The following CREBBP variants were observed in gnomAD, a reference collection of about 807,000 sequenced individuals.
The protein encoded by CREBBP is CREB-binding protein.
In CREBBP, 19 loss-of-function variants were observed where a neutral mutation model predicts 265.0. That is an observed-to-expected ratio of 0.07 (90% confidence interval 0.05 to 0.11). The LOEUF (loss-of-function observed/expected upper bound fraction) is 0.11, where lower values mean the gene tolerates loss of function less well. CREBBP is among the 10% of genes least tolerant of loss of function. The probability of loss-of-function intolerance (pLI) is 1.00; values close to 1 mark genes in which losing one functional copy is unlikely to be tolerated. For synonymous variants in CREBBP, 1,457 were observed against 1,223.7 expected (o/e 1.19, Z -3.98); for missense variants, 2,525 against 3,219.0 (o/e 0.78, Z 5.22).
At chr16:3,783,249 A>C (rs2053314521) in intron 5 of CREBBP, among the ~76,000 whole-genome samples, 1 of 152,218 alleles carries the variant, frequency 6.6e-6, no homozygotes, top group African/African-American at 2.4e-5. Flanking sequence ...AGTCAGTTCC[A>C]GGGAGTGGCA....
chr16:3,846,128 A>C (rs188391098), intron 2 of CREBBP, among the ~76,000 whole-genome samples: 4 of 152,202 alleles, frequency 2.6e-5, no homozygotes, highest in Non-Finnish European at 4.4e-5. Context: ...AAGGGGAAAA[A>C]CATGTTTTAA....
intron 28 of CREBBP, among the ~76,000 whole-genome samples, chr16:3,732,786 T>C (rs1015952165): frequency 6.6e-5 from 10 of 151,776 alleles, no homozygotes; most frequent in African/African-American, 2.4e-4. Context: ...CTGCAACCTC[T>C]GCCTCCAAGG....
chr16:3,850,552 A>G lies in CREBBP; in HGVS notation c.543T>C (p.Phe181=). ...TGAGGAGGCCTGGGTGGGTCTGGTTAAAGTTAGCATTCATGCAGATACCAG... is the reference window on the plus strand; with the variant it reads ...TGAGGAGGCCTGGGTGGGTCTGGTTGAAGTTAGCATTCATGCAGATACCAG... ...TGPGICMNAN[F]NQTHPGLLNS... Residue 181 remains phenylalanine, a synonymous_variant, in exon 2 of 31, where the codon TTT becomes TTC. Coordinates refer to ENST00000262367, the MANE Select transcript of CREBBP (RefSeq NM_004380.3). 9 of 1,614,224 alleles carry G rather than the reference A, an allele frequency of 5.6e-6. No homozygotes were observed. The highest frequency in any genetic ancestry group is 7.6e-6 in the Non-Finnish European group (9 of 1,180,032).
chr16:3,748,490 A>G (rs1283238253), intron 21 of CREBBP, among the ~76,000 whole-genome samples: 1 of 152,162 alleles, frequency 6.6e-6, no homozygotes, highest in Non-Finnish European at 1.5e-5. Flanking sequence ...ATGTGCTGGT[A>G]GAGATGAAGT....
chr16:3,836,947 C>T (rs1040962900), intron 2 of CREBBP, among the ~76,000 whole-genome samples: 7 of 152,156 alleles, frequency 4.6e-5, no homozygotes, highest in African/African-American at 1.7e-4. Context: ...CAATGCACTA[C>T]CAGCTGTATA....
chr16:3,739,871 T>C (rs1397485426), intron 24 of CREBBP, 147 bp from the exon 25 acceptor site: 9 of 1,082,042 alleles, frequency 8.3e-6, no homozygotes, highest in South Asian at 1.3e-5. Flanking sequence ...GTCCTCCCTA[T>C]GGGCCAGTCA....
At chr16:3,801,670 A>T (rs941665659) in intron 3 of CREBBP, among the ~76,000 whole-genome samples, 1 of 151,058 alleles carries the variant, frequency 6.6e-6, no homozygotes, top group Non-Finnish European at 1.5e-5. Flanking sequence ...CATTCTGTCT[A>T]AAAAAAAACA....
intron 19 of CREBBP, among the ~76,000 whole-genome samples, chr16:3,756,851 C>A (rs2052597432): frequency 6.6e-6 from 1 of 152,172 alleles, no homozygotes; most frequent in Admixed American, 6.5e-5. Flanking sequence ...ACTTCAGACG[C>A]TTGCTTCTAG....
intron 1 of CREBBP, among the ~76,000 whole-genome samples, chr16:3,858,239 T>C (rs1347309925): frequency 1.3e-5 from 2 of 152,182 alleles, no homozygotes; most frequent in African/African-American, 4.8e-5. Flanking sequence ...GTGCAGCCAA[T>C]AACATTTGAA....
intron 3 of CREBBP, among the ~76,000 whole-genome samples, chr16:3,808,636 G>A (rs900859953): frequency 3.3e-5 from 5 of 152,202 alleles, no homozygotes; most frequent in Admixed American, 1.3e-4. Flanking sequence ...AGAGGGGCCC[G>A]GAGCACAGAT....
At chr16:3,767,950 C>G (rs778929787) in intron 15 of CREBBP, 41 bp from the exon 16 acceptor site, 13 of 1,593,768 alleles carry the variant, frequency 8.2e-6, no homozygotes, top group Non-Finnish European at 1.1e-5. Context: ...ATATCAAACA[C>G]CTTTATGTTA....
intron 2 of CREBBP, among the ~76,000 whole-genome samples, chr16:3,849,442 TG>T (rs2054763959): frequency 5.3e-5 from 1 of 18,712 alleles, no homozygotes; most frequent in African/African-American, 8.8e-5. Flanking sequence ...TGTGTGTGTG[TG>T]TGTGTGTGTG....
chr16:3,853,147 G>C (rs1048710062), intron 1 of CREBBP, among the ~76,000 whole-genome samples: 2 of 152,078 alleles, frequency 1.3e-5, no homozygotes, highest in African/African-American at 4.8e-5. Context: ...TGGAAACTAG[G>C]GGTAACAATG....
At chr16:3,812,480 A>G (rs2141352663) in intron 2 of CREBBP, among the ~76,000 whole-genome samples, 1 of 152,022 alleles carries the variant, frequency 6.6e-6, no homozygotes, top group South Asian at 2.1e-4. Context: ...CGCCCGGCCT[A>G]AAATTTTCCA....
intron 5 of CREBBP, among the ~76,000 whole-genome samples, chr16:3,787,621 A>G (rs571869793): frequency 6.6e-6 from 1 of 151,988 alleles, no homozygotes; most frequent in African/African-American, 2.4e-5. Context: ...TCCATATAAA[A>G]AAAGGAGGTT....
At chr16:3,778,979 C>T (rs1217586742) in intron 8 of CREBBP, among the ~76,000 whole-genome samples, 162 bp from the exon 9 acceptor site, 1 of 151,890 alleles carries the variant, frequency 6.6e-6, no homozygotes, top group Non-Finnish European at 1.5e-5. Context: ...TCTGCCTGGC[C>T]AACGTGGTGA....
intron 12 of CREBBP, 106 bp from the exon 13 acceptor site, chr16:3,774,036 A>AACCCTTGGATG: frequency 8.0e-7 from 1 of 1,250,654 alleles, no homozygotes; most frequent in Non-Finnish European, 1.2e-6. Context: ...GAGGATGGCA[A>AACCCTTGGATG]GCACAGGGCT....
chr16:3,773,003 G>A (rs1044995317), intron 13 of CREBBP, among the ~76,000 whole-genome samples: 1 of 151,252 alleles, frequency 6.6e-6, no homozygotes, highest in Non-Finnish European at 1.5e-5. Flanking sequence ...CAGGAGAATC[G>A]CTTGAACCCG....
chr16:3,851,786 G>A (rs1324731747), intron 1 of CREBBP, among the ~76,000 whole-genome samples: 7 of 148,756 alleles, frequency 4.7e-5, no homozygotes, highest in African/African-American at 1.0e-4. Flanking sequence ...CCCGGGAAGC[G>A]GAGCTTGCAG....
Sources: allele counts gnomAD v4.1 joint callset (sites outside exome capture counted in the v4.1 genomes callset), GRCh38; gene constraint gnomAD v4.1.1; transcripts MANE v1.5; gene names NCBI Gene and HGNC (gene_info 2026-07-23, HGNC 2026-07-21).